The following POLD3 variants were observed in gnomAD, a reference collection of about 807,000 sequenced individuals.
POLD3 encodes the protein DNA polymerase delta subunit 3.
POLD3 carries 19 observed loss-of-function variants against 58.2 expected under a neutral mutation model. That is an observed-to-expected ratio of 0.33 (90% CI 0.23 to 0.48). The LOEUF (loss-of-function observed/expected upper bound fraction) is 0.48. Among genes scored for constraint, POLD3 ranks in the 20% least tolerant of loss-of-function variants. The pLI is 0.99. For missense variants in POLD3, 504 were observed against 545.5 expected, an observed-to-expected ratio of 0.92 and a Z score of 0.76; for synonymous variants, 172 against 193.5, an observed-to-expected ratio of 0.89 and a Z score of 0.92.
At chr11:74,667,846 A>G (rs1300201263) in intron 4 of POLD3, among the ~76,000 whole-genome samples, 1 of 152,240 alleles carries the variant, frequency 6.6e-6, no homozygotes, top group Non-Finnish European at 1.5e-5. Context: ...TCCAGAATCT[A>G]TAAAGAACAT....
intron 4 of POLD3, among the ~76,000 whole-genome samples, chr11:74,664,439 A>G (rs908935980): frequency 6.6e-6 from 1 of 152,226 alleles, no homozygotes; most frequent in Admixed American, 6.5e-5. Context: ...CTCAGCAATA[A>G]AAAGTATAAA....
At chr11:74,629,698 A>G (rs551555619) in intron 9 of POLD3, among the ~76,000 whole-genome samples, 1 of 152,050 alleles carries the variant, frequency 6.6e-6, no homozygotes, top group Admixed American at 6.6e-5. Context: ...TGGTCCACAC[A>G]GGTAAAACTA....
intron 10 of POLD3, among the ~76,000 whole-genome samples, chr11:74,635,959 CT>C (rs2032737147): frequency 6.6e-6 from 1 of 152,190 alleles, no homozygotes; most frequent in Admixed American, 6.5e-5. Context: ...GAACACAGTT[CT>C]TTCTTCAGCA....
At chr11:74,601,740 C>A (rs565404709) in intron 2 of POLD3, among the ~76,000 whole-genome samples, 17 of 152,120 alleles carry the variant, frequency 1.1e-4, no homozygotes, top group African/African-American at 4.1e-4. Context: ...GAGAGCTGCG[C>A]CACTGCACTT....
chr11:74,619,434 C>T (rs1489282549), intron 6 of POLD3, among the ~76,000 whole-genome samples: 1 of 152,126 alleles, frequency 6.6e-6, no homozygotes, highest in African/African-American at 2.4e-5. Flanking sequence ...CATTTTCAAG[C>T]GTCTGTCTTG....
rs747105478 is a variant in POLD3 at position 74,636,177 on chromosome 11, T to G, written c.1120-20T>G. ...TAACATAATTGATCCAGCTTAACATTGTATCCTCTGACCTTTTAGAGCTCA... is the reference window on the plus strand; with the variant it reads ...TAACATAATTGATCCAGCTTAACATGGTATCCTCTGACCTTTTAGAGCTCA... On this transcript the variant is annotated intron_variant, in intron 10 of 11. Transcript: ENST00000263681. The G allele has an allele frequency of 1.3e-5, 21 of 1,604,868 alleles. No individual in the cohort carries two copies. The South Asian group carries it at 2.3e-4, about 18-fold the overall frequency.
rs375725335 is a variant in POLD3, at chr11:74,605,874, A to C, written c.219+1080A>C. ...TGGGTTGGGAGAATCACTTGAGCCC[A>C]GGAGTTCGAGACCAACCTGGGCAAC... On this transcript the variant is annotated intron_variant, in intron 3 of 11. Transcript: ENST00000263681. Among the ~76,000 whole-genome samples, 82 of 152,306 alleles carry C rather than the reference A, an allele frequency of 5.4e-4. 1 individual carries two copies. In the South Asian group the frequency reaches 0.01, roughly 19 times the overall value.
intron 4 of POLD3, among the ~76,000 whole-genome samples, chr11:74,653,421 C>T (rs1378413272): frequency 1.4e-5 from 2 of 144,304 alleles, no homozygotes; most frequent in Admixed American, 1.3e-4. Context: ...ATAGTATACT[C>T]TTCTTCTTAT....
intron 5 of POLD3, among the ~76,000 whole-genome samples, chr11:74,617,302 T>C (rs2135146523): frequency 6.6e-6 from 1 of 152,360 alleles, no homozygotes; most frequent in South Asian, 2.1e-4. Flanking sequence ...GCATACTTAC[T>C]TGTCCGGTGC....
chr11:74,595,062 G>T (rs2031181045), intron 2 of POLD3: 1 of 152,026 alleles, frequency 6.6e-6, no homozygotes, highest in Admixed American at 6.6e-5. Flanking sequence ...TTTCAAAATG[G>T]CTGCGCTTCT....
At chr11:74,617,998 C>T (rs888529749) in intron 5 of POLD3, among the ~76,000 whole-genome samples, 3 of 152,204 alleles carry the variant, frequency 2.0e-5, no homozygotes, top group African/African-American at 4.8e-5. Flanking sequence ...GGATTACAAG[C>T]GTGAGCCAAT....
intron 2 of POLD3, among the ~76,000 whole-genome samples, chr11:74,596,315 C>G (rs766717311): frequency 6.6e-6 from 1 of 151,394 alleles, no homozygotes; most frequent in African/African-American, 2.4e-5. Context: ...TCCGAGGTAG[C>G]TGGGACTACA....
intron 4 of POLD3, among the ~76,000 whole-genome samples, chr11:74,653,195 G>C (rs1474434850): frequency 6.6e-6 from 1 of 152,208 alleles, no homozygotes; most frequent in Non-Finnish European, 1.5e-5. Context: ...AAAAACCACA[G>C]TAACTTTTGC....
At chr11:74,650,378 A>G (rs182666933) in intron 4 of POLD3, among the ~76,000 whole-genome samples, 15 of 152,172 alleles carry the variant, frequency 9.9e-5, no homozygotes, top group African/African-American at 2.9e-4. Flanking sequence ...CAGCACCCCT[A>G]CCTTTCAGGT....
intron 3 of POLD3, 106 bp downstream of exon 3, chr11:74,604,900 G>C: frequency 3.1e-6 from 2 of 637,050 alleles, no homozygotes; most frequent in East Asian, 2.7e-5. Context: ...TGTTATAGTA[G>C]TTTTAAAGAG....
chr11:74,656,716 C>T (rs1337766569), intron 4 of POLD3, among the ~76,000 whole-genome samples: 1 of 148,442 alleles, frequency 6.7e-6, no homozygotes. Flanking sequence ...CCATTGTGGT[C>T]AAAGAAGACA....
chr11:74,641,130 A>G lies in POLD3; in HGVS notation c.*364A>G. On this transcript the variant is annotated 3_prime_UTR_variant, in exon 12 of 12. Transcript: ENST00000263681. ...GCCCTGGTCCGCATATGGCACAGGA[A>G]TTATTCCTTCTTGTTCCTCTGTATT... 1.0e-6 allele frequency: 1 copy of G among 996,668 alleles called. No homozygotes were observed. The highest frequency in any genetic ancestry group is 1.2e-6 in the Non-Finnish European group (1 of 837,728). The allele number at this position is 996,668 out of a possible 1,614,324, so 61.7% of individuals were successfully genotyped here. A position where few individuals can be genotyped will look rare whatever the true frequency, so the allele number is the denominator to read the frequency against.
downstream of POLD3, among the ~76,000 whole-genome samples, chr11:74,644,057 C>T (rs1013195492): frequency 8.5e-5 from 13 of 152,208 alleles, no homozygotes; most frequent in African/African-American, 2.7e-4. Flanking sequence ...AGCCTCCACT[C>T]ACCTCCCTGG....
intron 7 of POLD3, among the ~76,000 whole-genome samples, chr11:74,622,730 G>A (rs965709692): frequency 1.3e-5 from 2 of 152,304 alleles, no homozygotes; most frequent in African/African-American, 4.8e-5. Flanking sequence ...GAACCCTTGT[G>A]CTCTGCTGTA....
Sources: allele counts gnomAD v4.1 joint callset (sites outside exome capture counted in the v4.1 genomes callset), GRCh38; gene constraint gnomAD v4.1.1; transcripts MANE v1.5; gene names NCBI Gene and HGNC (gene_info 2026-07-23, HGNC 2026-07-21).